GPR39: variants seen among roughly 807,000 people sequenced by gnomAD.
GPR39 encodes the protein G protein-coupled receptor 39, also known as zinc sensing receptor.
Under a neutral mutation model 18.4 loss-of-function variants are expected in GPR39, and 23 were observed. That is an observed-to-expected ratio of 1.25 (90% CI 0.90 to 1.77). The LOEUF (loss-of-function observed/expected upper bound fraction) is 1.77, where lower values mean the gene tolerates loss of function less well. GPR39 is among the 40% of genes most tolerant of loss of function. The pLI is 0.00. For missense variants in GPR39, 647 were observed against 602.4 expected (o/e 1.07, Z -0.78); for synonymous variants, 280 against 257.9 (o/e 1.09, Z -0.82).
rs1553462368 is a variant in GPR39, at chr2:132,645,507, T to TAA, written c.1264_1265dup (p.Gln424ProfsTer4). 8.1e-6 allele frequency: 13 copies of TAA among 1,614,086 alleles called. No homozygotes were observed. The highest frequency in any genetic ancestry group is 7.7e-5 in the South Asian group (7 of 91,074). On this transcript the variant is annotated frameshift_variant, in exon 2 of 2. Transcript: ENST00000329321. LOFTEE classifies it low-confidence loss of function (END_TRUNC). Reference sequence around the variant, plus strand: ...TTCAGAGCGAGGCCGAGCCCCAGTCTAAGTCCCAGTCATTGAGTCTCGAGT... The same window carrying TAA: ...TTCAGAGCGAGGCCGAGCCCCAGTCTAAAAGTCCCAGTCATTGAGTCTCGAGT...
intron 1 of GPR39, among the ~76,000 whole-genome samples, chr2:132,456,879 T>A (rs1364648684): frequency 6.6e-6 from 1 of 152,272 alleles, no homozygotes; most frequent in Non-Finnish European, 1.5e-5. Flanking sequence ...CCTTTGTGGA[T>A]AACTTGACGT....
rs11900917 is a variant in GPR39, at chr2:132,539,903, G to C, written c.857-105198G>C. ...GGTTCACATAGGAGGTTTCCAGGCA[G>C]ATCAGATGCTCATGTGGAGGAATCT... On this transcript the variant is annotated intron_variant, in intron 1 of 1. Coordinates refer to ENST00000329321, the MANE Select transcript of GPR39 (RefSeq NM_001508.3). Among the ~76,000 whole-genome samples, 605 of 152,274 alleles carry C rather than the reference G, an allele frequency of 4.0e-3. 5 individuals carry two copies. Among genetic ancestry groups the C allele is most frequent in the African/African-American group, 0.014 (586 of 41,546 alleles).
intron 1 of GPR39, among the ~76,000 whole-genome samples, chr2:132,508,360 C>T (rs569573538): frequency 6.6e-6 from 1 of 152,226 alleles, no homozygotes; most frequent in East Asian, 1.9e-4. Context: ...TGAGGCCCAA[C>T]ATTAAACACT....
chr2:132,478,322 G>A (rs1681168584), intron 1 of GPR39, among the ~76,000 whole-genome samples: 1 of 152,190 alleles, frequency 6.6e-6, no homozygotes, highest in Non-Finnish European at 1.5e-5. Flanking sequence ...ATAGGTTCTT[G>A]GTAAATGTTT....
At chr2:132,574,829 T>C (rs1244860566) in intron 1 of GPR39, among the ~76,000 whole-genome samples, 5 of 152,318 alleles carry the variant, frequency 3.3e-5, no homozygotes, top group Admixed American at 3.3e-4. Context: ...AACTTAGTAT[T>C]TTTCTAATAT....
At chr2:132,479,103 G>A (rs549313154) in intron 1 of GPR39, among the ~76,000 whole-genome samples, 1 of 152,264 alleles carries the variant, frequency 6.6e-6, no homozygotes, top group East Asian at 1.9e-4. Flanking sequence ...GCATTTTGAT[G>A]GGCTTAATCA....
intron 1 of GPR39, among the ~76,000 whole-genome samples, chr2:132,424,781 T>C (rs1025164246): frequency 1.8e-4 from 27 of 152,176 alleles, no homozygotes. Flanking sequence ...GCTGTGTTTA[T>C]AGAATAAAAA....
chr2:132,448,380 CTA>C (rs1395232022), intron 1 of GPR39, among the ~76,000 whole-genome samples: 1 of 152,188 alleles, frequency 6.6e-6, no homozygotes, highest in African/African-American at 2.4e-5. Flanking sequence ...AAGGCTTTCT[CTA>C]ACGTTTTGTT....
At chr2:132,479,464 T>G (rs1681190835) in intron 1 of GPR39, among the ~76,000 whole-genome samples, 1 of 152,296 alleles carries the variant, frequency 6.6e-6, no homozygotes, top group Non-Finnish European at 1.5e-5. Flanking sequence ...TGGGCTGGTA[T>G]GGAGGATTTG....
In GPR39 at chr2:132,517,502, T is replaced by C. The variant is rs180852881; in HGVS notation, c.856+99604T>C. 2.0e-4 allele frequency among the ~76,000 whole-genome samples: 31 copies of C among 152,288 alleles called. No individual in the cohort carries two copies. The East Asian group carries it at 4.1e-3, about 20-fold the overall frequency. ...GAGCTCTCCCTTGATCATGGCAAAA[T>C]TGATTTGATAATAGAATCTGATCTT... On this transcript the variant is annotated intron_variant, in intron 1 of 1. Transcript: ENST00000329321.
chr2:132,510,225 C>T (rs1322906008), intron 1 of GPR39, among the ~76,000 whole-genome samples: 8 of 152,088 alleles, frequency 5.3e-5, no homozygotes, highest in African/African-American at 1.9e-4. Context: ...TGGTTACCTA[C>T]TTGTCTGTGT....
At chr2:132,535,918 T>C (rs1203554645) in intron 1 of GPR39, among the ~76,000 whole-genome samples, 1 of 151,650 alleles carries the variant, frequency 6.6e-6, no homozygotes, top group East Asian at 1.9e-4. Context: ...GCTATCCCCT[T>C]TATTGTTTTT....
At chr2:132,556,154 T>G (rs1680148190) in intron 1 of GPR39, among the ~76,000 whole-genome samples, 1 of 152,196 alleles carries the variant, frequency 6.6e-6, no homozygotes, top group Admixed American at 6.5e-5. Flanking sequence ...CCTTGGCCTC[T>G]TATAGCTGAG....
At chr2:132,562,808 C>G (rs1182479742) in intron 1 of GPR39, among the ~76,000 whole-genome samples, 4 of 152,142 alleles carry the variant, frequency 2.6e-5, no homozygotes, top group Admixed American at 1.3e-4. Context: ...CTTCCTACAT[C>G]TCTAACTTCA....
chr2:132,468,891 G>A (rs1415009036), intron 1 of GPR39, among the ~76,000 whole-genome samples: 1 of 152,178 alleles, frequency 6.6e-6, no homozygotes, highest in Non-Finnish European at 1.5e-5. Flanking sequence ...GAGATACATT[G>A]TCACGTAGGC....
intron 1 of GPR39, among the ~76,000 whole-genome samples, chr2:132,628,272 C>T (rs1681588156): frequency 4.6e-5 from 7 of 152,198 alleles, no homozygotes; most frequent in Admixed American, 4.6e-4. Context: ...TCCCAGCCTT[C>T]CTTTCTGGCT....
At position 132,552,309 on chromosome 2, in the gene GPR39, C is replaced by T. The variant is rs539071230; in HGVS notation, c.857-92792C>T. Among the ~76,000 whole-genome samples the T allele has an allele frequency of 3.9e-5, 6 of 152,188 alleles. No individual in the cohort carries two copies. In the East Asian group the frequency reaches 1.2e-3, roughly 29 times the overall value. On this transcript the variant is annotated intron_variant, in intron 1 of 1. Coordinates refer to ENST00000329321, the MANE Select transcript of GPR39 (RefSeq NM_001508.3). ...ATGGGGGCGGATCCCTCATGGCTTG[C>T]TGCTGTCCTCGTGATAGTGAGTTCT...
At chr2:132,576,653 C>A (rs1680531907) in intron 1 of GPR39, among the ~76,000 whole-genome samples, 1 of 151,998 alleles carries the variant, frequency 6.6e-6, no homozygotes, top group Non-Finnish European at 1.5e-5. Flanking sequence ...ATTCTGTCAC[C>A]AAAACAAGAA....
intron 1 of GPR39, among the ~76,000 whole-genome samples, chr2:132,614,013 C>A (rs1186663996): frequency 6.6e-6 from 1 of 152,136 alleles, no homozygotes; most frequent in Non-Finnish European, 1.5e-5. Context: ...AGTTGGGTAG[C>A]AACTTAAGCA....
Sources: allele counts gnomAD v4.1 joint callset (sites outside exome capture counted in the v4.1 genomes callset), GRCh38; gene constraint gnomAD v4.1.1; transcripts MANE v1.5; gene names NCBI Gene and HGNC (gene_info 2026-07-23, HGNC 2026-07-21).